GRM8: variants seen among roughly 807,000 people sequenced by gnomAD.
The protein encoded by GRM8 is metabotropic glutamate receptor 8.
A neutral mutation model predicts 87.2 loss-of-function variants in GRM8; 47 were observed. The observed-to-expected ratio is 0.54, with a 90% confidence interval of 0.43 to 0.69. The LOEUF (loss-of-function observed/expected upper bound fraction) is 0.69, where lower values mean the gene tolerates loss of function less well. Ranked by LOEUF, GRM8 falls within the 30% of genes least tolerant of loss-of-function variation. The pLI is 0.00. For synonymous variants in GRM8, 396 were observed against 404.5 expected, an observed-to-expected ratio of 0.98 and a Z score of 0.25; for missense variants, 1,019 against 1,139.2, an observed-to-expected ratio of 0.89 and a Z score of 1.52.
At chr7:127,245,985 T>C (rs1798567685) in intron 1 of GRM8, among the ~76,000 whole-genome samples, 1 of 152,138 alleles carries the variant, frequency 6.6e-6, no homozygotes, top group Non-Finnish European at 1.5e-5. Flanking sequence ...AGAGCAACTC[T>C]TTCTGTATTT....
At chr7:126,859,357 G>A (rs1797960535) in intron 6 of GRM8, among the ~76,000 whole-genome samples, 2 of 152,254 alleles carry the variant, frequency 1.3e-5, no homozygotes, top group Non-Finnish European at 2.9e-5. Flanking sequence ...CAGATTCCCA[G>A]GGAATTAACT....
intron 8 of GRM8, among the ~76,000 whole-genome samples, chr7:126,578,834 C>G (rs2299469): frequency 5.3e-5 from 8 of 151,760 alleles, no homozygotes; most frequent in Non-Finnish European, 8.8e-5. Context: ...AATTATTAAA[C>G]TTAAAGAGGA....
At chr7:127,153,998 T>C (rs967578586) in intron 2 of GRM8, among the ~76,000 whole-genome samples, 17 of 151,830 alleles carry the variant, frequency 1.1e-4, no homozygotes, top group African/African-American at 4.1e-4. Context: ...GGGTGGTGAG[T>C]ATGAGATGGC....
intron 6 of GRM8, among the ~76,000 whole-genome samples, chr7:126,843,052 T>G (rs763278598): frequency 4.6e-5 from 7 of 152,186 alleles, no homozygotes; most frequent in Non-Finnish European, 7.3e-5. Context: ...AAAATGATAA[T>G]GAGACTTACA....
At chr7:126,554,423 T>C (rs1792914615) in intron 8 of GRM8, among the ~76,000 whole-genome samples, 1 of 147,718 alleles carries the variant, frequency 6.8e-6, no homozygotes, top group Admixed American at 6.8e-5. Flanking sequence ...CTACAAATAA[T>C]AATAATAATA....
intron 7 of GRM8, among the ~76,000 whole-genome samples, chr7:126,681,989 A>G (rs2151334346): frequency 1.3e-5 from 2 of 152,278 alleles, no homozygotes; most frequent in South Asian, 4.1e-4. Flanking sequence ...CCAACCCAAT[A>G]TATAGAAATA....
intron 6 of GRM8, among the ~76,000 whole-genome samples, chr7:126,809,113 G>A (rs1793052941): frequency 6.6e-6 from 1 of 152,092 alleles, no homozygotes; most frequent in Non-Finnish European, 1.5e-5. Context: ...ATGGCTCATG[G>A]CCTCTTCCTC....
chr7:127,230,913 G>A (rs756927197), intron 2 of GRM8, among the ~76,000 whole-genome samples: 2 of 152,174 alleles, frequency 1.3e-5, no homozygotes, highest in Non-Finnish European at 2.9e-5. Context: ...GCTGATAACT[G>A]CAGCTTCCTT....
intron 6 of GRM8, among the ~76,000 whole-genome samples, chr7:126,808,365 C>G (rs1792973049): frequency 6.6e-6 from 1 of 152,094 alleles, no homozygotes; most frequent in Non-Finnish European, 1.5e-5. Flanking sequence ...AAAGGATTGT[C>G]CCATCATGCA....
At chr7:126,574,787 T>C (rs1794971173) in intron 8 of GRM8, among the ~76,000 whole-genome samples, 1 of 152,202 alleles carries the variant, frequency 6.6e-6, no homozygotes. Flanking sequence ...TTTAATTTTT[T>C]TTAGACTGTT....
intron 2 of GRM8, among the ~76,000 whole-genome samples, chr7:127,120,798 C>A (rs1041930892): frequency 6.6e-6 from 1 of 152,174 alleles, no homozygotes. Flanking sequence ...GGATGAACAT[C>A]TCCTGATCAT....
At chr7:126,850,963 C>A (rs565226893) in intron 6 of GRM8, among the ~76,000 whole-genome samples, 1 of 152,176 alleles carries the variant, frequency 6.6e-6, no homozygotes, top group South Asian at 2.1e-4. Flanking sequence ...ACTGAATATT[C>A]TCAAATTTAT....
intron 2 of GRM8, among the ~76,000 whole-genome samples, chr7:127,122,971 T>C (rs1304511480): frequency 6.6e-6 from 1 of 151,970 alleles, no homozygotes; most frequent in Non-Finnish European, 1.5e-5. Flanking sequence ...ACGTTGAACT[T>C]CAGGAACAGG....
intron 2 of GRM8, among the ~76,000 whole-genome samples, chr7:127,218,033 A>T (rs1457124962): frequency 6.6e-6 from 1 of 152,188 alleles, no homozygotes; most frequent in Non-Finnish European, 1.5e-5. Context: ...CTGAATTAGC[A>T]TCTCTCATGA....
At chr7:126,585,254 T>C (rs1048257406) in intron 8 of GRM8, among the ~76,000 whole-genome samples, 7 of 152,184 alleles carry the variant, frequency 4.6e-5, no homozygotes, top group Non-Finnish European at 7.4e-5. Flanking sequence ...CCTAATTCTA[T>C]GAATATGGAA....
intron 9 of GRM8, among the ~76,000 whole-genome samples, chr7:126,498,505 G>GC (rs1430361766): frequency 6.6e-6 from 1 of 151,870 alleles, no homozygotes; most frequent in Non-Finnish European, 1.5e-5. Context: ...AGCATGGGAA[G>GC]CCCCTTGCTG....
In GRM8 at chr7:126,438,829, ATT is replaced by A. The variant is rs34182595; in HGVS notation, c.*288_*289del. On this transcript the variant is annotated 3_prime_UTR_variant, in exon 11 of 11. Coordinates refer to ENST00000339582, the MANE Select transcript of GRM8 (RefSeq NM_000845.3). ...ATCAGACATTATTTATTTCAACAGC[ATT>A]TTTTTTCACGAGCTAACATTAGTTT... The A allele has an allele frequency of 3.3e-6, 1 of 304,130 alleles. No individual in the cohort carries two copies. The highest frequency in any genetic ancestry group is 6.1e-6 in the Non-Finnish European group (1 of 163,338). 18.8% of individuals were successfully genotyped at this position (304,130 alleles called of 1,614,324 possible).
intron 7 of GRM8, among the ~76,000 whole-genome samples, chr7:126,632,595 C>A (rs1267709543): frequency 6.6e-6 from 1 of 152,088 alleles, no homozygotes; most frequent in Non-Finnish European, 1.5e-5. Context: ...ATGTTCACTG[C>A]AACACTATTC....
chr7:126,652,018 C>T (rs1585378345), intron 7 of GRM8, among the ~76,000 whole-genome samples: 1 of 152,198 alleles, frequency 6.6e-6, no homozygotes, highest in Non-Finnish European at 1.5e-5. Flanking sequence ...TCATCAATAC[C>T]AGCTACGACC....
Sources: gnomAD v4.1 joint callset for allele counts (sites outside exome capture counted in the v4.1 genomes callset) on GRCh38, gnomAD v4.1.1 for gene constraint, MANE v1.5 for transcripts, NCBI Gene and HGNC (gene_info 2026-07-23, HGNC 2026-07-21) for gene names.